PLCXD3: variants seen among roughly 807,000 people sequenced by gnomAD.
The protein encoded by PLCXD3 is phosphatidylinositol specific phospholipase C X domain containing 3, also known as PI-PLC X domain-containing protein 3.
PLCXD3 carries 19 observed loss-of-function variants against 25.5 expected under a neutral mutation model. The ratio of observed to expected loss-of-function variants is 0.75; its 90% CI spans 0.52 to 1.09. The LOEUF is 1.09. Ranked by LOEUF, PLCXD3 falls within the 50% of genes least tolerant of loss-of-function variation. The pLI is 0.00. For missense variants in PLCXD3, 411 were observed against 388.1 expected (o/e 1.06, Z -0.50); for synonymous variants, 174 against 137.6 (o/e 1.26, Z -1.85).
intron 2 of PLCXD3, among the ~76,000 whole-genome samples, chr5:41,350,947 TA>T (rs1263379785): frequency 1.3e-5 from 2 of 151,872 alleles, no homozygotes; most frequent in Admixed American, 6.6e-5. Flanking sequence ...TAAAAAGCTC[TA>T]AAAAAAAGAT....
At chr5:41,458,733 A>G (rs919575262) in intron 1 of PLCXD3, among the ~76,000 whole-genome samples, 1 of 151,986 alleles carries the variant, frequency 6.6e-6, no homozygotes, top group Non-Finnish European at 1.5e-5. Flanking sequence ...ATGAGCTGAA[A>G]TGAAAAATAA....
At chr5:41,476,084 A>G (rs952113156) in intron 1 of PLCXD3, among the ~76,000 whole-genome samples, 2 of 152,238 alleles carry the variant, frequency 1.3e-5, no homozygotes, top group Non-Finnish European at 2.9e-5. Flanking sequence ...TCATAAATCC[A>G]GGCAAGTACT....
intron 2 of PLCXD3, among the ~76,000 whole-genome samples, chr5:41,331,762 A>G (rs1305287295): frequency 3.9e-5 from 6 of 152,228 alleles, no homozygotes; most frequent in African/African-American, 1.4e-4. Context: ...CCAATGGAAC[A>G]GAACAGAGTC....
At chr5:41,448,297 G>A (rs551337568) in intron 1 of PLCXD3, among the ~76,000 whole-genome samples, 5 of 152,158 alleles carry the variant, frequency 3.3e-5, no homozygotes, top group Non-Finnish European at 7.3e-5. Flanking sequence ...AAAGCCACCT[G>A]CTCTTGAATA....
intron 2 of PLCXD3, among the ~76,000 whole-genome samples, chr5:41,358,120 T>C (rs1292767845): frequency 6.6e-6 from 1 of 152,156 alleles, no homozygotes; most frequent in East Asian, 1.9e-4. Context: ...AAAAACCTTG[T>C]ATGATTGTTA....
intron 2 of PLCXD3, among the ~76,000 whole-genome samples, chr5:41,317,341 C>T (rs1743331114): frequency 6.6e-6 from 1 of 152,180 alleles, no homozygotes; most frequent in Non-Finnish European, 1.5e-5. Flanking sequence ...CAGTTTAGAT[C>T]ACAATACCTT....
chr5:41,432,656 G>T (rs1472806357), intron 1 of PLCXD3, among the ~76,000 whole-genome samples: 2 of 152,166 alleles, frequency 1.3e-5, no homozygotes, highest in Non-Finnish European at 2.9e-5. Context: ...TAATGCCTGA[G>T]CACCCAGAGG....
chr5:41,329,307 G>A (rs533885427), intron 2 of PLCXD3, among the ~76,000 whole-genome samples: 16 of 152,252 alleles, frequency 1.1e-4, no homozygotes, highest in East Asian at 7.7e-4. Context: ...GTATTTATGC[G>A]TTTGATCAAT....
chr5:41,382,756 G>A (rs147761598), intron 1 of PLCXD3, among the ~76,000 whole-genome samples: 1 of 151,980 alleles, frequency 6.6e-6, no homozygotes, highest in African/African-American at 2.4e-5. Flanking sequence ...ACAATAAGAA[G>A]ATTTCCTTAT....
intron 1 of PLCXD3, among the ~76,000 whole-genome samples, chr5:41,434,590 G>A (rs1580371655): frequency 6.6e-6 from 1 of 152,138 alleles, no homozygotes; most frequent in East Asian, 1.9e-4. Flanking sequence ...ATGAAATCTT[G>A]TATAAGCAGA....
At chr5:41,498,928 G>C (rs1012584053) in intron 1 of PLCXD3, among the ~76,000 whole-genome samples, 1 of 151,644 alleles carries the variant, frequency 6.6e-6, no homozygotes, top group Non-Finnish European at 1.5e-5. Flanking sequence ...AATAGATGCA[G>C]GAGAAGCATT....
chr5:41,308,569 G>A lies in PLCXD3; in HGVS notation c.*5048C>T, dbSNP rs543972966. On this transcript the variant is annotated 3_prime_UTR_variant, in exon 3 of 3. Transcript: ENST00000377801. ...TTCTATTGCTAGACTAATTCTACACGTGGGGCAGACCAGAAAAGTGTGTGG... is the reference window on the plus strand; with the variant it reads ...TTCTATTGCTAGACTAATTCTACACATGGGGCAGACCAGAAAAGTGTGTGG... 1.3e-4 allele frequency: 20 copies of A among 152,028 alleles called. No individual in the cohort carries two copies. The highest frequency in any genetic ancestry group is 2.7e-4 in the African/African-American group (11 of 41,384). 9.4% of individuals were successfully genotyped at this position (152,028 alleles called of 1,614,324 possible). A position where few individuals can be genotyped will look rare whatever the true frequency, so the allele number is the denominator to read the frequency against.
intron 1 of PLCXD3, among the ~76,000 whole-genome samples, chr5:41,436,557 A>G (rs1747259372): frequency 6.6e-6 from 1 of 152,146 alleles, no homozygotes; most frequent in African/African-American, 2.4e-5. Flanking sequence ...CCTCTTTGTA[A>G]TGGCATTAGC....
chr5:41,484,272 CT>C (rs1748473935), intron 1 of PLCXD3, among the ~76,000 whole-genome samples: 1 of 151,112 alleles, frequency 6.6e-6, no homozygotes, highest in Non-Finnish European at 1.5e-5. Context: ...CACACACACA[CT>C]AACTGTATTC....
chr5:41,451,709 C>T (rs533006821), intron 1 of PLCXD3, among the ~76,000 whole-genome samples: 2 of 151,592 alleles, frequency 1.3e-5, no homozygotes, highest in East Asian at 3.9e-4. Context: ...ATGAACTCAC[C>T]TACTGAAAGA....
chr5:41,335,448 A>G (rs1433931490), intron 2 of PLCXD3, among the ~76,000 whole-genome samples: 1 of 152,142 alleles, frequency 6.6e-6, no homozygotes, highest in African/African-American at 2.4e-5. Flanking sequence ...CAAAAATGCT[A>G]CTTCACTGTT....
At chr5:41,372,290 TCTCTCTCTCACACA>T (rs1745120281) in intron 2 of PLCXD3, among the ~76,000 whole-genome samples, 1 of 134,714 alleles carries the variant, frequency 7.4e-6, no homozygotes, top group Non-Finnish European at 1.6e-5. Flanking sequence ...TCTCTCTCTC[TCTCTCTCTCACACA>T]CACACACACA....
chr5:41,343,579 A>G (rs749618978), intron 2 of PLCXD3, among the ~76,000 whole-genome samples: 5 of 152,152 alleles, frequency 3.3e-5, no homozygotes, highest in Non-Finnish European at 7.4e-5. Context: ...TACTACTACT[A>G]AAATCACAAA....
intron 1 of PLCXD3, among the ~76,000 whole-genome samples, chr5:41,446,842 A>G (rs1260454863): frequency 6.6e-6 from 1 of 152,238 alleles, no homozygotes; most frequent in Non-Finnish European, 1.5e-5. Flanking sequence ...CACTGTGGCC[A>G]TAAGTGCTAG....
Sources: gnomAD v4.1 joint callset for allele counts (sites outside exome capture counted in the v4.1 genomes callset) on GRCh38, gnomAD v4.1.1 for gene constraint, MANE v1.5 for transcripts, NCBI Gene and HGNC (gene_info 2026-07-23, HGNC 2026-07-21) for gene names.